The following MAP4K4 variants were observed in gnomAD, a reference collection of about 807,000 sequenced individuals.
MAP4K4 encodes mitogen-activated protein kinase kinase kinase kinase 4, also known as HPK/GCK-like kinase HGK.
A neutral mutation model predicts 189.6 loss-of-function variants in MAP4K4; 38 were observed. The observed-to-expected ratio is 0.20, with a 90% confidence interval of 0.15 to 0.26. The LOEUF (loss-of-function observed/expected upper bound fraction) is 0.26, where lower values mean the gene tolerates loss of function less well. MAP4K4 is among the 10% of genes least tolerant of loss of function. MAP4K4 has a pLI of 1.00. For synonymous variants in MAP4K4, 610 were observed against 624.3 expected, an observed-to-expected ratio of 0.98 and a Z score of 0.34; for missense variants, 1,054 against 1,726.9, an observed-to-expected ratio of 0.61 and a Z score of 6.91.
chr2:101,824,123 G>A, intron 4 of MAP4K4, 70 bp downstream of exon 4: 1 of 943,762 alleles, frequency 1.1e-6, no homozygotes. Flanking sequence ...GGCGGGGGTG[G>A]GGGCGGGGGA....
At chr2:101,844,411 G>T in intron 12 of MAP4K4, 100 bp downstream of exon 12, 3 of 926,740 alleles carry the variant, frequency 3.2e-6, no homozygotes, top group Non-Finnish European at 3.3e-6. Flanking sequence ...GCTTCCTGGG[G>T]TAATACTTAT....
chr2:101,880,458 C>T (rs146835898), intron 27 of MAP4K4, among the ~76,000 whole-genome samples: 55 of 151,282 alleles, frequency 3.6e-4, no homozygotes, highest in Middle Eastern at 3.5e-3. Flanking sequence ...TAACCTTTCT[C>T]CATTGAATTG....
intron 2 of MAP4K4, among the ~76,000 whole-genome samples, chr2:101,756,275 C>G (rs1029272223): frequency 7.2e-5 from 11 of 152,016 alleles, no homozygotes; most frequent in Non-Finnish European, 1.3e-4. Flanking sequence ...GTCATAGGAT[C>G]CAAGTGCTGC....
chr2:101,698,348 T>A (rs1466892380), intron 1 of MAP4K4, 125 bp from the exon 2 acceptor site: 4 of 944,656 alleles, frequency 4.2e-6, no homozygotes, highest in Non-Finnish European at 5.0e-6. Context: ...CCCCGGGCGC[T>A]GGGGGACCGC....
At chr2:101,894,130 A>G (rs2098599882) in exon 33 of MAP4K4, 1 of 152,866 alleles carries the variant, frequency 6.5e-6, no homozygotes, top group Middle Eastern at 3.4e-3. Context: ...TTTACAGGGT[A>G]GTAACTTCTC....
intron 2 of MAP4K4, among the ~76,000 whole-genome samples, chr2:101,763,802 G>C (rs1163864171): frequency 8.5e-5 from 13 of 152,262 alleles, no homozygotes; most frequent in South Asian, 8.3e-4. Context: ...GTGAAATACA[G>C]TTATTTTGTA....
chr2:101,832,797 A>ATGTTTT (rs775208368), intron 7 of MAP4K4, among the ~76,000 whole-genome samples: 19 of 111,338 alleles, frequency 1.7e-4, no homozygotes, highest in East Asian at 1.0e-3. Context: ...CCCCCACCCG[A>ATGTTTT]TGTTTTTGTT....
intron 12 of MAP4K4, among the ~76,000 whole-genome samples, chr2:101,849,065 C>T (rs1268392949): frequency 6.6e-6 from 1 of 152,098 alleles, no homozygotes; most frequent in Non-Finnish European, 1.5e-5. Context: ...CATATTTTGT[C>T]AGTTTACTCT....
chr2:101,890,806 G>C (rs1179519218), intron 32 of MAP4K4, among the ~76,000 whole-genome samples: 2 of 151,732 alleles, frequency 1.3e-5, no homozygotes, highest in African/African-American at 4.8e-5. Flanking sequence ...TGTTGCCCAG[G>C]CTGGAATGCA....
chr2:101,774,371 T>G (rs1319658132), intron 2 of MAP4K4, among the ~76,000 whole-genome samples: 1 of 152,238 alleles, frequency 6.6e-6, no homozygotes, highest in East Asian at 1.9e-4. Context: ...TTGAGAAACG[T>G]CTGTTGAAGT....
At chr2:101,888,563 G>C (rs1355059489) in intron 31 of MAP4K4, among the ~76,000 whole-genome samples, 5 of 152,064 alleles carry the variant, frequency 3.3e-5, no homozygotes, top group Non-Finnish European at 7.4e-5. Flanking sequence ...GGCGTGAAAG[G>C]CCTAAGGAAA....
rs977953850 is a variant in MAP4K4, at chr2:101,891,186, G to T, written c.4092G>T (p.Arg1364=). 20 of 1,613,880 alleles carry T rather than the reference G, an allele frequency of 1.2e-5. No homozygotes were observed. The Middle Eastern group carries it at 2.5e-3, about 200-fold the overall frequency. ...TGCAGGTGTTCTTTGCCTCTGTTCG[G>T]TCTGGTGGCAGCAGTCAGGTTTATT... The change falls in exon 33 of 33, where the codon CGG becomes CGT. Residue 1364 remains arginine (R), a synonymous_variant. Transcript: ENST00000324219.
chr2:101,892,017 GAAA>G (rs1190102913), exon 33 of MAP4K4: 2 of 98,880 alleles, frequency 2.0e-5, no homozygotes, highest in Non-Finnish European at 4.2e-5. Context: ...AAAAAAAAAG[GAAA>G]AAAAAAAAGA....
intron 16 of MAP4K4, 66 bp downstream of exon 16, chr2:101,861,052 G>A: frequency 7.0e-7 from 1 of 1,421,802 alleles, no homozygotes. Context: ...CCGCAGGCCT[G>A]CTGTAATATC....
chr2:101,819,270 T>C (rs1353864151), intron 3 of MAP4K4, among the ~76,000 whole-genome samples: 1 of 152,166 alleles, frequency 6.6e-6, no homozygotes, highest in Non-Finnish European at 1.5e-5. Flanking sequence ...ACCAAACATA[T>C]GTTTAATAAC....
At chr2:101,811,213 A>C (rs1001769914) in intron 3 of MAP4K4, among the ~76,000 whole-genome samples, 1 of 151,806 alleles carries the variant, frequency 6.6e-6, no homozygotes. Context: ...CTCTACAAAA[A>C]TACAAAAATT....
At position 101,836,408 on chromosome 2, in the gene MAP4K4, A is replaced by G. The variant is rs189161061; in HGVS notation, c.773+430A>G. On this transcript the variant is annotated intron_variant, in intron 9 of 32. Transcript: ENST00000324219. ...AAGACCAGCCTGACCAACATGGAGA[A>G]ACCCCGTCTCTACTATAAAACAACA... 2.0e-4 allele frequency among the ~76,000 whole-genome samples: 31 copies of G among 152,260 alleles called. No individual in the cohort carries two copies. The East Asian group carries it at 5.4e-3, about 27-fold the overall frequency.
intron 2 of MAP4K4, among the ~76,000 whole-genome samples, chr2:101,773,543 T>G (rs555208653): frequency 6.6e-6 from 1 of 152,246 alleles, no homozygotes; most frequent in Admixed American, 6.5e-5. Context: ...AGTCACATCA[T>G]GGAAAATAGG....
chr2:101,733,986 C>T (rs1475193161), intron 2 of MAP4K4, among the ~76,000 whole-genome samples: 1 of 152,220 alleles, frequency 6.6e-6, no homozygotes, highest in East Asian at 1.9e-4. Flanking sequence ...GGACCTATCA[C>T]ACTATGTGGC....
Sources: allele counts gnomAD v4.1 joint callset (sites outside exome capture counted in the v4.1 genomes callset), GRCh38; gene constraint gnomAD v4.1.1; transcripts MANE v1.5; gene names NCBI Gene and HGNC (gene_info 2026-07-23, HGNC 2026-07-21).